The following SMG1 variants were observed in gnomAD, a reference collection of about 807,000 sequenced individuals.
The protein encoded by SMG1 is serine/threonine-protein kinase SMG1.
A neutral mutation model predicts 419.9 loss-of-function variants in SMG1; 22 were observed. The ratio of observed to expected loss-of-function variants is 0.05; its 90% confidence interval spans 0.04 to 0.07. SMG1 has a LOEUF of 0.07. Among genes scored for constraint, SMG1 ranks in the 10% least tolerant of loss-of-function variants. SMG1 has a pLI of 1.00. For missense variants in SMG1, 3,185 were observed against 4,342.0 expected, an observed-to-expected ratio of 0.73 and a Z score of 7.49; for synonymous variants, 1,538 against 1,553.5, an observed-to-expected ratio of 0.99 and a Z score of 0.23.
chr16:18,869,400 T>C, intron 19 of SMG1, 97 bp from the exon 20 acceptor site: 1 of 1,100,096 alleles, frequency 9.1e-7, no homozygotes, highest in South Asian at 1.5e-5. Flanking sequence ...AACTGTAATT[T>C]TCCCTACTCC....
chr16:18,840,014 G>A (rs760515166), intron 41 of SMG1, 68 bp from the exon 42 acceptor site: 199 of 1,249,928 alleles, frequency 1.6e-4, no homozygotes, highest in Non-Finnish European at 2.0e-4. Flanking sequence ...AGTGCCTTTT[G>A]TATGTAAAGT....
At position 18,926,097 on chromosome 16, in the gene SMG1, C is replaced by T. The variant is rs1218885962; in HGVS notation, c.-56G>A. The T allele has an allele frequency of 2.0e-6, 3 of 1,474,390 alleles. No homozygotes were observed. The highest frequency in any genetic ancestry group is 2.7e-6 in the Non-Finnish European group (3 of 1,112,056). The allele number at this position is 1,474,390 out of a possible 1,614,324, so 91.3% of individuals were successfully genotyped here. On this transcript the variant is annotated 5_prime_UTR_variant, in exon 1 of 63. Transcript: ENST00000446231. ...CGCCGCCCAAAGAAGCGCGAGTCGC[C>T]GCCCGAACCGGCCGCCGCCGACACC...
At chr16:18,895,333 G>T (rs1465157500) in intron 3 of SMG1, among the ~76,000 whole-genome samples, 1 of 152,012 alleles carries the variant, frequency 6.6e-6, no homozygotes, top group Non-Finnish European at 1.5e-5. Context: ...GCAAAAATCA[G>T]CTGGGTGTGG....
At chr16:18,890,965 T>G (rs2036850300) in intron 4 of SMG1, 44 bp from the exon 5 acceptor site, 3 of 911,780 alleles carry the variant, frequency 3.3e-6, no homozygotes, top group African/African-American at 1.6e-5. Flanking sequence ...ATTCCTATAC[T>G]TTTAAGAATA....
At chr16:18,856,355 GAAA>G (rs2034907227) in intron 29 of SMG1, 1 of 57,878 alleles carries the variant, frequency 1.7e-5, no homozygotes, top group Non-Finnish European at 3.6e-5. Context: ...TTTTTTTTTT[GAAA>G]TAGAGTCTCA....
At chr16:18,914,932 A>T (rs1245530359) in intron 1 of SMG1, among the ~76,000 whole-genome samples, 1 of 151,178 alleles carries the variant, frequency 6.6e-6, no homozygotes, top group Non-Finnish European at 1.5e-5. Flanking sequence ...ATGAATCTTA[A>T]ATTACCATAT....
Position 18,864,029 on chromosome 16 carries a change from T to C in SMG1, c.3466A>G (p.Ser1156Gly), listed in dbSNP as rs2035353682. The C allele has an allele frequency of 6.5e-7, 1 of 1,550,066 alleles. No individual in the cohort carries two copies. The highest frequency in any genetic ancestry group is 2.4e-5 in the East Asian group (1 of 40,934). The change falls in exon 24 of 63, where the codon AGT (serine) becomes GGT (glycine). Residue 1156 changes from serine to glycine, a missense_variant. Ser to Gly is a moderately conservative substitution (Grantham distance 56). Transcript: ENST00000446231. ...VLTLANAGRN[S>G]ASPKHSLNGE... The stretch of plus-strand genomic sequence containing the variant: ...TTCAGAGAATGTTTCGGGCTGGCAC[T>C]GTTACGCCCAGCATTGGCTAAGGTG...
rs951912727 is a variant in SMG1 at position 18,861,011 on chromosome 16, A to C, written c.3696-235T>G. ...CAGAAAGTCACAGCTACAGACTTTCAGTGGAGCTGACTCGCCCCTGTGTCT... is the reference window on the plus strand; with the variant it reads ...CAGAAAGTCACAGCTACAGACTTTCCGTGGAGCTGACTCGCCCCTGTGTCT... On this transcript the variant is annotated intron_variant, in intron 25 of 62. Coordinates refer to ENST00000446231, the MANE Select transcript of SMG1 (RefSeq NM_015092.5). 7.9e-5 allele frequency: 32 copies of C among 405,884 alleles called. No individual in the cohort carries two copies. The Admixed American group carries it at 1.0e-3, about 13-fold the overall frequency. The allele number at this position is 405,884 out of a possible 1,614,324, so 25.1% of individuals were successfully genotyped here.
chr16:18,868,408 T>C, intron 21 of SMG1, 54 bp from the exon 22 acceptor site: 13 of 1,237,374 alleles, frequency 1.1e-5, no homozygotes, highest in Non-Finnish European at 1.4e-5. Context: ...TAGGTAAGGA[T>C]GTCTCACCTA....
intron 42 of SMG1, among the ~76,000 whole-genome samples, chr16:18,838,932 A>G (rs1228751323): frequency 6.6e-6 from 1 of 152,118 alleles, no homozygotes; most frequent in African/African-American, 2.4e-5. Flanking sequence ...AACACAAACA[A>G]ACAAACTTTT....
chr16:18,919,644 G>A (rs1177019472), intron 1 of SMG1, among the ~76,000 whole-genome samples: 2 of 104,278 alleles, frequency 1.9e-5, no homozygotes, highest in East Asian at 6.4e-4. Flanking sequence ...ATGTGTGTGT[G>A]TGTGTGTATA....
intron 3 of SMG1, among the ~76,000 whole-genome samples, chr16:18,892,767 G>C (rs2036941127): frequency 6.6e-6 from 1 of 152,098 alleles, no homozygotes; most frequent in Non-Finnish European, 1.5e-5. Flanking sequence ...ACAGTCCACT[G>C]GTCAATAAAA....
At chr16:18,884,598 TG>T (rs1348597818) in intron 8 of SMG1, 1 of 172,978 alleles carries the variant, frequency 5.8e-6, no homozygotes, top group Non-Finnish European at 1.2e-5. Context: ...TATTACACCA[TG>T]TAAGTTACGA....
chr16:18,871,277 G>A, intron 16 of SMG1, 87 bp downstream of exon 16: 1 of 611,920 alleles, frequency 1.6e-6, no homozygotes, highest in East Asian at 2.9e-5. Flanking sequence ...CAGGAAAACA[G>A]CTCGATTCAT....
intron 30 of SMG1, 28 bp downstream of exon 30, chr16:18,854,627 AT>A (rs1393956509): frequency 6.3e-7 from 1 of 1,584,840 alleles, no homozygotes; most frequent in Non-Finnish European, 8.6e-7. Context: ...TATTATACTC[AT>A]GTATTAACCA....
In SMG1 at chr16:18,853,606, G is replaced by C. The variant is rs766926702; in HGVS notation, c.4745C>G (p.Pro1582Arg). Residue 1582 changes from proline (P) to arginine (R), a missense_variant, in exon 31 of 63, where the codon CCT becomes CGT. Physicochemically the swap from Pro to Arg is moderately radical, Grantham distance 103. Transcript: ENST00000446231. The part of the protein sequence containing the change: ...PSVNTMEEEY[P>R]RIESESTVHI... ...ACCTGTAGATTCACTCTCGATCCGA[G>C]GATACTCTTCTTCCATCGTATTAAC... 5.6e-6 allele frequency: 9 copies of C among 1,604,866 alleles called. No homozygotes were observed. The highest frequency in any genetic ancestry group is 2.7e-5 in the African/African-American group (2 of 74,822).
chr16:18,811,909 T>G, intron 61 of SMG1, 39 bp downstream of exon 61: 2 of 1,612,730 alleles, frequency 1.2e-6, no homozygotes, highest in Non-Finnish European at 1.7e-6. Context: ...ACCGTCATTT[T>G]ATATAAAAAT....
intron 11 of SMG1, 67 bp from the exon 12 acceptor site, chr16:18,877,299 T>C (rs2036180366): frequency 3.4e-6 from 4 of 1,160,722 alleles, no homozygotes; most frequent in African/African-American, 1.5e-5. Context: ...AAACCTTAAA[T>C]GCACACTGAT....
chr16:18,897,718 C>T (rs978391199), intron 1 of SMG1, among the ~76,000 whole-genome samples: 15 of 152,184 alleles, frequency 9.9e-5, no homozygotes, highest in East Asian at 3.9e-4. Flanking sequence ...ATCTGCTCTA[C>T]GCTTCAACTA....
Sources: allele counts gnomAD v4.1 joint callset (sites outside exome capture counted in the v4.1 genomes callset), GRCh38; gene constraint gnomAD v4.1.1; transcripts MANE v1.5; gene names NCBI Gene and HGNC (gene_info 2026-07-23, HGNC 2026-07-21).